TANGO6: variants seen among roughly 807,000 people sequenced by gnomAD.
The protein encoded by TANGO6 is transport and Golgi organization protein 6 homolog.
A neutral mutation model predicts 114.2 loss-of-function variants in TANGO6; 90 were observed. The ratio of observed to expected loss-of-function variants is 0.79; its 90% CI spans 0.66 to 0.94. The LOEUF (loss-of-function observed/expected upper bound fraction) is 0.94, where lower values mean the gene tolerates loss of function less well. Ranked by LOEUF, TANGO6 falls within the 40% of genes least tolerant of loss-of-function variation. TANGO6 has a pLI of 0.00. For missense variants in TANGO6, 1,274 were observed against 1,315.3 expected, an observed-to-expected ratio of 0.97 and a Z score of 0.49; for synonymous variants, 477 against 509.8, an observed-to-expected ratio of 0.94 and a Z score of 0.87.
rs576655449 is a variant in TANGO6, at chr16:68,912,682, A to G, written c.1992+3280A>G. ...TAAACAACAGGGAAGTTCATAATGTAAAAAATAGGGACTTCTGGTGAAAGA... is the reference window on the plus strand; with the variant it reads ...TAAACAACAGGGAAGTTCATAATGTGAAAAATAGGGACTTCTGGTGAAAGA... On this transcript the variant is annotated intron_variant, in intron 11 of 17. Coordinates refer to ENST00000261778, the MANE Select transcript of TANGO6 (RefSeq NM_024562.2). Among the ~76,000 whole-genome samples, 3 of 152,164 alleles carry G rather than the reference A, an allele frequency of 2.0e-5. No individual in the cohort carries two copies. In the South Asian group the frequency reaches 6.2e-4, roughly 32 times the overall value.
intron 4 of TANGO6, among the ~76,000 whole-genome samples, chr16:68,871,110 TTTTG>T (rs1244390937): frequency 6.6e-6 from 1 of 152,024 alleles, no homozygotes; most frequent in East Asian, 1.9e-4. Context: ...ATTTTCTAGC[TTTTG>T]TTTGTCTGAA....
intron 7 of TANGO6, among the ~76,000 whole-genome samples, chr16:68,889,949 A>C (rs918439902): frequency 6.6e-6 from 1 of 152,234 alleles, no homozygotes; most frequent in Non-Finnish European, 1.5e-5. Flanking sequence ...TGCACAGTGC[A>C]AAATACTTGC....
At chr16:69,075,462 T>A (rs917096279) in intron 17 of TANGO6, among the ~76,000 whole-genome samples, 7 of 151,800 alleles carry the variant, frequency 4.6e-5, no homozygotes, top group African/African-American at 1.7e-4. Flanking sequence ...TTTATTTTTT[T>A]TTTTTTTTTG....
chr16:68,854,421 G>C (rs1596988775), intron 1 of TANGO6, among the ~76,000 whole-genome samples: 1 of 151,984 alleles, frequency 6.6e-6, no homozygotes, highest in African/African-American at 2.4e-5. Context: ...CTCCAGCCTG[G>C]GTGACAGAGC....
chr16:69,051,008 A>G (rs528905647), intron 17 of TANGO6, among the ~76,000 whole-genome samples: 1 of 151,804 alleles, frequency 6.6e-6, no homozygotes, highest in South Asian at 2.1e-4. Flanking sequence ...TGATTTATTT[A>G]TTTTCTAATT....
intron 14 of TANGO6, among the ~76,000 whole-genome samples, chr16:68,951,191 C>T (rs1424041385): frequency 2.6e-5 from 4 of 151,730 alleles, no homozygotes; most frequent in African/African-American, 9.7e-5. Flanking sequence ...GGTGTGGTAG[C>T]GCATGCCTAT....
intron 12 of TANGO6, among the ~76,000 whole-genome samples, chr16:68,925,894 TA>T (rs373147736): frequency 2.2e-3 from 298 of 138,554 alleles, no homozygotes; most frequent in Middle Eastern, 3.6e-3. Flanking sequence ...TTGTTCCAAT[TA>T]AAAAAAAAAA....
Position 68,974,060 on chromosome 16 carries a change from A to G in TANGO6, c.2734A>G (p.Lys912Glu), listed in dbSNP as rs769519833. The change falls in exon 15 of 18, where the codon AAA becomes GAA. Residue 912 changes from lysine (K) to glutamate (E), a missense_variant. By Grantham distance (56) the Lys-to-Glu change is moderately conservative. Coordinates refer to ENST00000261778, the MANE Select transcript of TANGO6 (RefSeq NM_024562.2). ...VALLSDVYPE[K>E]ILPDLLAQYD... is the part of the protein sequence containing the mutation. The stretch of plus-strand genomic sequence containing the variant: ...CCTGCTGTCAGACGTCTATCCTGAG[A>G]AAATCTTGCCGGACTTGTTGGCTCA... 2 of 1,612,498 alleles carry G rather than the reference A, an allele frequency of 1.2e-6. No individual in the cohort carries two copies. Among genetic ancestry groups the G allele is most frequent in the Non-Finnish European group, 1.7e-6 (2 of 1,179,314 alleles).
Position 68,843,765 on chromosome 16 carries a change from G to A in TANGO6, c.94+54G>A. The A allele has an allele frequency of 3.8e-6, 6 of 1,560,268 alleles. No homozygotes were observed. In the South Asian group the frequency reaches 6.7e-5, roughly 17 times the overall value. ...GGACCCGGGACTCTCAGGGCCGCCC[G>A]GCTTCCGGGGCTGCCCTGCCTTCCG... is the stretch of plus-strand genomic sequence containing the variant. On this transcript the variant is annotated intron_variant, in intron 1 of 17. Transcript: ENST00000261778.
rs141808101 is a variant in TANGO6, at chr16:69,015,890, A to G, written c.2843-6938A>G. Among the ~76,000 whole-genome samples, 25 of 152,266 alleles carry G rather than the reference A, an allele frequency of 1.6e-4. No individual in the cohort carries two copies. The East Asian group carries it at 4.4e-3, about 27-fold the overall frequency. On this transcript the variant is annotated intron_variant, in intron 15 of 17. Coordinates refer to ENST00000261778, the MANE Select transcript of TANGO6 (RefSeq NM_024562.2). ...ATATAGTGATATGCTCTTGACTTAT[A>G]TGGCCAGTCAGTATAAGAAACAGCC...
chr16:69,018,333 A>G (rs984409182), intron 15 of TANGO6, among the ~76,000 whole-genome samples: 12 of 150,776 alleles, frequency 8.0e-5, no homozygotes, highest in Non-Finnish European at 1.8e-4. Context: ...TATTTTTAGT[A>G]GAGACGGGGT....
chr16:69,007,044 C>A (rs975255921), intron 15 of TANGO6: 3 of 152,046 alleles, frequency 2.0e-5, no homozygotes, highest in African/African-American at 7.2e-5. Context: ...TTTTCTTTTT[C>A]TTTTATTTTG....
intron 9 of TANGO6, 99 bp downstream of exon 9, chr16:68,902,603 C>A: frequency 8.6e-7 from 1 of 1,166,866 alleles, no homozygotes; most frequent in Non-Finnish European, 1.2e-6. Flanking sequence ...GAAAAGAAAC[C>A]AGAAACTCAA....
rs562242048 is a variant in TANGO6 at position 68,952,850 on chromosome 16, C to T, written c.2702-21178C>T. The stretch of plus-strand genomic sequence containing the variant: ...TCATCTCTCTGTCCACCTGCTGGGA[C>T]ATGATTGCTAAGGTGTTTCTTAGGA... On this transcript the variant is annotated intron_variant, in intron 14 of 17. Transcript: ENST00000261778. 1.8e-4 allele frequency among the ~76,000 whole-genome samples: 28 copies of T among 152,240 alleles called. No individual in the cohort carries two copies. The South Asian group carries it at 5.2e-3, about 28-fold the overall frequency.
At chr16:69,063,161 G>A (rs1445018105) in intron 17 of TANGO6, among the ~76,000 whole-genome samples, 2 of 151,228 alleles carry the variant, frequency 1.3e-5, no homozygotes, top group East Asian at 2.0e-4. Context: ...CCAGAAGGCG[G>A]AGGTTGAGCC....
At chr16:68,870,017 C>T (rs1962244075) in intron 4 of TANGO6, among the ~76,000 whole-genome samples, 2 of 152,002 alleles carry the variant, frequency 1.3e-5, no homozygotes, top group South Asian at 2.1e-4. Flanking sequence ...AGATGCGAAA[C>T]GATTAACAGT....
Position 68,927,877 on chromosome 16 carries a change from G to A in TANGO6, c.2437G>A (p.Ala813Thr), listed in dbSNP as rs1250473724. 6.2e-7 allele frequency: 1 copy of A among 1,613,862 alleles called. No individual in the cohort carries two copies. The highest frequency in any genetic ancestry group is 1.7e-5 in the Admixed American group (1 of 59,988). The change falls in exon 13 of 18, where the codon GCT becomes ACT. Residue 813 changes from alanine (A) to threonine (T), a missense_variant. Coordinates refer to ENST00000261778, the MANE Select transcript of TANGO6 (RefSeq NM_024562.2). The stretch of plus-strand genomic sequence containing the variant: ...CCCCCAGACAGGCCTGCAGTCAAAT[G>A]CTCCAATCATTCCTCAAGGAGTCAA... ...TAPQTGLQSN[A>T]PIIPQGVNEP...
chr16:69,021,887 T>C (rs2152227842), intron 15 of TANGO6, among the ~76,000 whole-genome samples: 2 of 136,828 alleles, frequency 1.5e-5, no homozygotes, highest in Non-Finnish European at 1.6e-5. Context: ...TTTTTTTTTC[T>C]TTTTTTTTTT....
chr16:68,927,826 G>A lies in TANGO6; in HGVS notation c.2386G>A (p.Glu796Lys), dbSNP rs1377549918. 6.2e-7 allele frequency: 1 copy of A among 1,613,982 alleles called. No individual in the cohort carries two copies. Among genetic ancestry groups the A allele is most frequent in the Admixed American group, 1.7e-5 (1 of 60,010 alleles). ...CACTGATGTAGCTCATAGCCACCTT[G>A]AACAACAGCAGAGCCATGAGACAGC... ...RPTDVAHSHLEQQQSHETAPQ... is the reference protein window; with the variant it reads ...RPTDVAHSHLKQQQSHETAPQ... Residue 796 changes from glutamate (E) to lysine (K), a missense_variant, in exon 13 of 18, where the codon GAA (glutamate) becomes AAA (lysine). By Grantham distance (56) the Glu-to-Lys change is moderately conservative. Around this residue, in one of 5 missense-constraint regions of TANGO6, gnomAD observed 908 missense variants for 910.2 expected, o/e 1.00. Coordinates refer to ENST00000261778, the MANE Select transcript of TANGO6 (RefSeq NM_024562.2).
Sources: allele counts gnomAD v4.1 joint callset (sites outside exome capture counted in the v4.1 genomes callset), GRCh38; gene constraint gnomAD v4.1.1; regional missense constraint gnomAD v4.1.1; transcripts MANE v1.5; gene names NCBI Gene and HGNC (gene_info 2026-07-23, HGNC 2026-07-21).